Variants in PLA2R1 observed in about 807,000 individuals in gnomAD.
PLA2R1 encodes secretory phospholipase A2 receptor.
Under a neutral mutation model 195.9 loss-of-function variants are expected in PLA2R1, and 158 were observed. The ratio of observed to expected loss-of-function variants is 0.81; its 90% CI spans 0.71 to 0.92. The LOEUF is 0.92. PLA2R1 is among the 40% of genes least tolerant of loss of function. PLA2R1 has a pLI of 0.00. For missense variants in PLA2R1, 1,626 were observed against 1,764.6 expected (o/e 0.92, Z 1.41); for synonymous variants, 586 against 598.2 (o/e 0.98, Z 0.30).
At chr2:159,958,411 C>T (rs1560147189) in intron 20 of PLA2R1, among the ~76,000 whole-genome samples, 1 of 152,100 alleles carries the variant, frequency 6.6e-6, no homozygotes, top group Non-Finnish European at 1.5e-5. Context: ...AACCTATTTT[C>T]TTCATCAGTT....
chr2:160,057,199 A>G (rs1239788801), intron 1 of PLA2R1, among the ~76,000 whole-genome samples: 1 of 152,184 alleles, frequency 6.6e-6, no homozygotes, highest in Non-Finnish European at 1.5e-5. Context: ...AAAGCCAAAG[A>G]AACAGTCAAC....
At chr2:160,026,524 C>T (rs2105496180) in intron 6 of PLA2R1, among the ~76,000 whole-genome samples, 1 of 152,238 alleles carries the variant, frequency 6.6e-6, no homozygotes, top group Admixed American at 6.5e-5. Flanking sequence ...GAACACAGTG[C>T]CATGATGTTT....
the PLA2R1 span, among the ~76,000 whole-genome samples, chr2:159,926,497 C>G: frequency 7.2e-5 from 11 of 152,028 alleles, no homozygotes; most frequent in Admixed American, 6.6e-5. Context: ...TAGGGCTGAA[C>G]ATGTGTTTAA....
At chr2:160,031,305 T>C (rs1287837124) in intron 4 of PLA2R1, among the ~76,000 whole-genome samples, 1 of 152,140 alleles carries the variant, frequency 6.6e-6, no homozygotes, top group Non-Finnish European at 1.5e-5. Context: ...AAACAAATAG[T>C]TTTATCAATA....
chr2:160,043,001 G>C (rs1424959120), intron 2 of PLA2R1, among the ~76,000 whole-genome samples: 2 of 151,978 alleles, frequency 1.3e-5, no homozygotes, highest in Non-Finnish European at 1.5e-5. Context: ...TTAGAAAAGA[G>C]GTGATCCAGC....
In PLA2R1 at chr2:159,969,271, T is replaced by A. The variant is rs772530478; in HGVS notation, c.2749A>T (p.Ile917Phe). Residue 917 changes from isoleucine (I) to phenylalanine (F), a missense_variant, in exon 19 of 30, where the codon ATT becomes TTT. Coordinates refer to ENST00000283243, the MANE Select transcript of PLA2R1 (RefSeq NM_007366.5). ...VNNQSQRCGF[I>F]SSITGLWGSE... is the part of the protein sequence containing the mutation. ...GTAAAATAACCTGTTATAGAAGAAA[T>A]AAAGCCACATCTCTGGCTCTGATTA... The A allele has an allele frequency of 6.3e-7, 1 of 1,589,702 alleles. No homozygotes were observed. Among genetic ancestry groups the A allele is most frequent in the South Asian group, 1.1e-5 (1 of 90,394 alleles).
intron 11 of PLA2R1, among the ~76,000 whole-genome samples, chr2:160,001,834 A>G (rs1398693462): frequency 6.6e-6 from 1 of 151,990 alleles, no homozygotes; most frequent in Admixed American, 6.6e-5. Context: ...CGACAGAACT[A>G]CAGGGAGAAG....
At chr2:160,029,451 G>T (rs1337818531) in intron 4 of PLA2R1, among the ~76,000 whole-genome samples, 1 of 152,140 alleles carries the variant, frequency 6.6e-6, no homozygotes, top group Admixed American at 6.5e-5. Context: ...TGTCTCGGGG[G>T]ATCCCTAGCA....
intron 11 of PLA2R1, among the ~76,000 whole-genome samples, chr2:159,988,553 G>T (rs1314624299): frequency 6.6e-6 from 1 of 152,182 alleles, no homozygotes; most frequent in Non-Finnish European, 1.5e-5. Flanking sequence ...ACATTTGCAG[G>T]AAGTGACATT....
chr2:159,997,077 G>A lies in PLA2R1; in HGVS notation c.1834+8575C>T, dbSNP rs187524224. On this transcript the variant is annotated intron_variant, in intron 11 of 29. Coordinates refer to ENST00000283243, the MANE Select transcript of PLA2R1 (RefSeq NM_007366.5). ...TTCAAACTGTGTTTCTTGCCTTTTAGCATGTCTTGTAATATTTTTGTTGAA... is the reference window on the plus strand; with the variant it reads ...TTCAAACTGTGTTTCTTGCCTTTTAACATGTCTTGTAATATTTTTGTTGAA... Among the ~76,000 whole-genome samples, 52 of 152,190 alleles carry A rather than the reference G, an allele frequency of 3.4e-4. 1 individual carries two copies. The highest frequency in any genetic ancestry group is 6.5e-4 in the Non-Finnish European group (44 of 67,994).
intron 3 of PLA2R1, among the ~76,000 whole-genome samples, chr2:160,035,213 C>T (rs750892037): frequency 5.9e-5 from 9 of 152,176 alleles, no homozygotes; most frequent in Non-Finnish European, 1.2e-4. Flanking sequence ...AGACACAAGT[C>T]CTTTCTCTGC....
rs1365608009 is a variant in PLA2R1, at chr2:160,032,918, T to C, written c.841+41A>G. On this transcript the variant is annotated intron_variant, in intron 4 of 29. Transcript: ENST00000283243. ...ATGTGAAAACAGTTAACAACCATCT[T>C]TTATTGTATCAATATCAATGTGCGT... is the stretch of plus-strand genomic sequence containing the variant. 3 of 1,337,182 alleles carry C rather than the reference T, an allele frequency of 2.2e-6. No homozygotes were observed. In the African/African-American group the frequency reaches 4.4e-5, roughly 20 times the overall value. The allele number at this position is 1,337,182 out of a possible 1,614,324, so 82.8% of individuals were successfully genotyped here. A position where few individuals can be genotyped will look rare whatever the true frequency, so the allele number is the denominator to read the frequency against.
At chr2:160,058,401 C>T (rs1695715976) in intron 1 of PLA2R1, among the ~76,000 whole-genome samples, 1 of 152,142 alleles carries the variant, frequency 6.6e-6, no homozygotes, top group East Asian at 1.9e-4. Flanking sequence ...AAGAGCCTCC[C>T]CTGAGTGTCC....
At position 160,062,571 on chromosome 2, in the gene PLA2R1, A is replaced by C; in HGVS notation, c.-168T>G. On this transcript the variant is annotated 5_prime_UTR_variant, in exon 1 of 30. Coordinates refer to ENST00000283243, the MANE Select transcript of PLA2R1 (RefSeq NM_007366.5). ...TGCCAGCCCAGAGCCCTGGAGACCC[A>C]CTCCGCCACCGCTGTCTCCACAGTG... is the stretch of plus-strand genomic sequence containing the variant. The C allele has an allele frequency of 7.7e-6, 9 of 1,172,824 alleles. No homozygotes were observed. The highest frequency in any genetic ancestry group is 2.0e-5 in the South Asian group (1 of 49,824). The allele number at this position is 1,172,824 out of a possible 1,614,324, so 72.7% of individuals were successfully genotyped here. A position where few individuals can be genotyped will look rare whatever the true frequency, so the allele number is the denominator to read the frequency against.
intron 20 of PLA2R1, among the ~76,000 whole-genome samples, chr2:159,965,945 C>CA (rs1423614597): frequency 6.6e-6 from 1 of 152,142 alleles, no homozygotes; most frequent in Non-Finnish European, 1.5e-5. Context: ...GGGGCAAGAC[C>CA]ACCAGACTCA....
At position 159,977,459 on chromosome 2, in the gene PLA2R1, C is replaced by T. The variant is rs761565532; in HGVS notation, c.2269-43G>A. On this transcript the variant is annotated intron_variant, in intron 14 of 29. Coordinates refer to ENST00000283243, the MANE Select transcript of PLA2R1 (RefSeq NM_007366.5). ...CATTATTCCTTAATGATGATCCCCC[C>T]ACAAAGTTTCAAAAGATCAAAAAGG... The T allele has an allele frequency of 2.5e-6, 4 of 1,596,392 alleles. No homozygotes were observed. The South Asian group carries it at 3.3e-5, about 13-fold the overall frequency.
chr2:159,961,191 G>A (rs1428287525), intron 20 of PLA2R1, among the ~76,000 whole-genome samples: 6 of 152,296 alleles, frequency 3.9e-5, no homozygotes, highest in East Asian at 1.9e-4. Context: ...GCATTAATGC[G>A]CAGGAGAAGG....
chr2:160,049,687 G>A (rs894518411), intron 1 of PLA2R1, among the ~76,000 whole-genome samples: 2 of 152,036 alleles, frequency 1.3e-5, no homozygotes, highest in Non-Finnish European at 2.9e-5. Flanking sequence ...TTAGCTGGGC[G>A]TGGTGGTGCG....
chr2:159,951,403 G>A lies in PLA2R1; in HGVS notation c.3477C>T (p.Ser1159=). The change falls in exon 24 of 30, where the codon TCC becomes TCT. Residue 1159 remains serine (S), a synonymous_variant. Transcript: ENST00000283243. ...GCCGGTTGAGGACAACAGTGAGGAA[G>A]GACTGGTGATACTGGTCTGTGATGC... ...LVSITDQYHQ[S]FLTVVLNRLG... 5 of 1,613,994 alleles carry A rather than the reference G, an allele frequency of 3.1e-6. No homozygotes were observed. Among genetic ancestry groups the A allele is most frequent in the Non-Finnish European group, 4.2e-6 (5 of 1,179,892 alleles).
Sources: gnomAD v4.1 joint callset for allele counts (sites outside exome capture counted in the v4.1 genomes callset) on GRCh38, gnomAD v4.1.1 for gene constraint, MANE v1.5 for transcripts, NCBI Gene and HGNC (gene_info 2026-07-23, HGNC 2026-07-21) for gene names.